Variants in COL12A1 observed in about 807,000 individuals in gnomAD.
COL12A1 encodes the protein collagen alpha-1(XII) chain.
Under a neutral mutation model 349.7 loss-of-function variants are expected in COL12A1, and 114 were observed. The ratio of observed to expected loss-of-function variants is 0.33; its 90% CI spans 0.28 to 0.38. The LOEUF (loss-of-function observed/expected upper bound fraction) is 0.38, where lower values mean the gene tolerates loss of function less well. COL12A1 is among the 10% of genes least tolerant of loss of function. COL12A1 has a pLI of 1.00. For synonymous variants in COL12A1, 1,369 were observed against 1,329.0 expected (o/e 1.03, Z -0.66); for missense variants, 3,284 against 3,756.9 (o/e 0.87, Z 3.29).
At chr6:75,174,927 A>T in intron 13 of COL12A1, 111 bp downstream of exon 13, 1 of 1,208,618 alleles carries the variant, frequency 8.3e-7, no homozygotes, top group Non-Finnish European at 1.2e-6. Flanking sequence ...GATTCTTTTT[A>T]AGAGAAAGGA....
At chr6:75,130,311 T>C in intron 36 of COL12A1, 78 bp from the exon 37 acceptor site, 1 of 1,426,320 alleles carries the variant, frequency 7.0e-7, no homozygotes, top group Non-Finnish European at 9.6e-7. Context: ...GTTGCTTGCA[T>C]GTGTTTCATT....
intron 60 of COL12A1, 92 bp downstream of exon 60, chr6:75,095,016 G>T: frequency 1.7e-6 from 2 of 1,170,940 alleles, no homozygotes; most frequent in Non-Finnish European, 1.2e-6. Flanking sequence ...CATTACAGCA[G>T]AGATAACCTA....
At chr6:75,134,905 A>T in intron 31 of COL12A1, 50 bp from the exon 32 acceptor site, 1 of 1,569,832 alleles carries the variant, frequency 6.4e-7, no homozygotes, top group South Asian at 1.2e-5. Flanking sequence ...TCTCCATCTC[A>T]CTAATCTGTT....
chr6:75,166,640 G>A (rs1449659668), intron 13 of COL12A1, among the ~76,000 whole-genome samples: 4 of 152,092 alleles, frequency 2.6e-5, no homozygotes, highest in Non-Finnish European at 5.9e-5. Flanking sequence ...TAGGGTTTAT[G>A]CCACAGTATG....
At chr6:75,123,506 G>C in intron 42 of COL12A1, 102 bp from the exon 43 acceptor site, 1 of 961,472 alleles carries the variant, frequency 1.0e-6, no homozygotes, top group South Asian at 1.5e-5. Flanking sequence ...ACCAAATCAA[G>C]TCGTACAAAA....
intron 54 of COL12A1, 55 bp downstream of exon 54, chr6:75,105,150 TA>T: frequency 6.9e-7 from 1 of 1,448,224 alleles, no homozygotes; most frequent in Non-Finnish European, 9.6e-7. Context: ...GGCAAATAGA[TA>T]ATCACTCTAA....
chr6:75,161,995 T>C (rs915077430), intron 14 of COL12A1, among the ~76,000 whole-genome samples: 1 of 151,874 alleles, frequency 6.6e-6, no homozygotes, highest in Admixed American at 6.6e-5. Flanking sequence ...CTCAAGGAAA[T>C]AAGAGAGGAC....
At chr6:75,165,158 A>C (rs1407567512) in intron 14 of COL12A1, among the ~76,000 whole-genome samples, 1 of 152,138 alleles carries the variant, frequency 6.6e-6, no homozygotes, top group Non-Finnish European at 1.5e-5. Context: ...AAAGAAGGTT[A>C]AGTAACTTGA....
chr6:75,155,450 G>A (rs1485888346), intron 16 of COL12A1, among the ~76,000 whole-genome samples: 1 of 152,090 alleles, frequency 6.6e-6, no homozygotes, highest in African/African-American at 2.4e-5. Flanking sequence ...AAAAAATCCT[G>A]CTCAGGCCTA....
At position 75,152,489 on chromosome 6, in the gene COL12A1, T is replaced by C. The variant is rs1468516680; in HGVS notation, c.3566-7A>G. The stretch of plus-strand genomic sequence containing the variant: ...CTGGTGAGACACTCCATCCCTGACA[T>C]GGCAATCATGAGACAAGACAGTAAG... On this transcript the variant is annotated splice_region_variant and splice_polypyrimidine_tract_variant and intron_variant, in intron 17 of 65. Transcript: ENST00000322507. 3 of 1,613,110 alleles carry C rather than the reference T, an allele frequency of 1.9e-6. No homozygotes were observed. Among genetic ancestry groups the C allele is most frequent in the Admixed American group, 3.3e-5 (2 of 59,936 alleles).
chr6:75,176,503 G>A (rs1226767779), intron 12 of COL12A1, among the ~76,000 whole-genome samples: 1 of 151,858 alleles, frequency 6.6e-6, no homozygotes, highest in Non-Finnish European at 1.5e-5. Context: ...TGCAGTAGGA[G>A]TGGGGAGAGT....
intron 27 of COL12A1, among the ~76,000 whole-genome samples, chr6:75,140,379 A>C (rs1766829822): frequency 6.6e-6 from 1 of 152,198 alleles, no homozygotes; most frequent in African/African-American, 2.4e-5. Flanking sequence ...GGTTATGGCC[A>C]GGCACTGTGG....
intron 1 of COL12A1, among the ~76,000 whole-genome samples, chr6:75,204,071 G>A (rs1207370300): frequency 6.6e-6 from 1 of 152,168 alleles, no homozygotes; most frequent in African/African-American, 2.4e-5. Flanking sequence ...ATGAGCAGGC[G>A]TGCCAAATTG....
chr6:75,103,005 A>C (rs1768376559), intron 55 of COL12A1, among the ~76,000 whole-genome samples: 2 of 152,182 alleles, frequency 1.3e-5, no homozygotes, highest in Admixed American at 6.5e-5. Flanking sequence ...TAAATGCTTA[A>C]GTTTCACTGG....
At chr6:75,141,392 G>C (rs1766883838) in intron 27 of COL12A1, among the ~76,000 whole-genome samples, 1 of 152,308 alleles carries the variant, frequency 6.6e-6, no homozygotes, top group African/African-American at 2.4e-5. Flanking sequence ...GAGAAACCAT[G>C]AGAGGGAGAG....
chr6:75,086,673 T>C (rs908011194), intron 65 of COL12A1, 116 bp from the exon 66 acceptor site: 1 of 339,846 alleles, frequency 2.9e-6, no homozygotes, highest in Non-Finnish European at 4.6e-6. Flanking sequence ...TATATATATA[T>C]CCATATATTT....
In COL12A1 at chr6:75,109,079, A is replaced by G; in HGVS notation, c.8039T>C (p.Ile2680Thr). The G allele has an allele frequency of 1.9e-6, 3 of 1,612,538 alleles. No individual in the cohort carries two copies. Among genetic ancestry groups the G allele is most frequent in the Non-Finnish European group, 2.5e-6 (3 of 1,179,182 alleles). The change falls in exon 52 of 66, where the codon ATA becomes ACA. Residue 2680 changes from isoleucine to threonine, a missense_variant. Ile to Thr is a moderately conservative substitution (Grantham distance 89, BLOSUM62 -1). Coordinates refer to ENST00000322507, the MANE Select transcript of COL12A1 (RefSeq NM_004370.6). ...AAGAATTTCATAACCATCAGTTGTTATATTTCCAGCTTCCTTGATGTCTTT... is the reference window on the plus strand; with the variant it reads ...AAGAATTTCATAACCATCAGTTGTTGTATTTCCAGCTTCCTTGATGTCTTT... ...IEKDIKEAGN[I>T]TTDGYEILGK...
At chr6:75,151,389 C>A in intron 20 of COL12A1, 102 bp from the exon 21 acceptor site, 3 of 1,056,636 alleles carry the variant, frequency 2.8e-6, no homozygotes, top group Non-Finnish European at 4.1e-6. Context: ...CTGCTTTTGG[C>A]CAACTATGAA....
chr6:75,195,045 G>C, intron 2 of COL12A1, 98 bp from the exon 3 acceptor site: 2 of 660,076 alleles, frequency 3.0e-6, no homozygotes, highest in Non-Finnish European at 5.0e-6. Context: ...TTCTAAAATT[G>C]TCTTTGCATA....
Sources: gnomAD v4.1 joint callset for allele counts (sites outside exome capture counted in the v4.1 genomes callset) on GRCh38, gnomAD v4.1.1 for gene constraint, MANE v1.5 for transcripts, NCBI Gene and HGNC (gene_info 2026-07-23, HGNC 2026-07-21) for gene names.